Variants in MDC1 observed in about 807,000 individuals in gnomAD.
The protein encoded by MDC1 is mediator of DNA damage checkpoint 1, also known as mediator of DNA damage checkpoint protein 1.
A neutral mutation model predicts 142.5 loss-of-function variants in MDC1; 81 were observed. That is an observed-to-expected ratio of 0.57 (90% CI 0.47 to 0.68). MDC1 has a LOEUF of 0.68. MDC1 is among the 30% of genes least tolerant of loss of function. The pLI, the probability that MDC1 is intolerant of heterozygous loss-of-function variation, is 0.00. For missense variants in MDC1, 2,119 were observed against 2,547.9 expected (o/e 0.83, Z 3.62); for synonymous variants, 797 against 968.4 (o/e 0.82, Z 3.29).
Position 30,713,813 on chromosome 6 carries a change from C to T in MDC1, c.507G>A (p.Glu169=), listed in dbSNP as rs377364753. The stretch of plus-strand genomic sequence containing the variant: ...AATATACAAACTTACCTACTTCCTC[C>T]TCCGAGTCCTCAGCCAACAGAAGCC... ...PQRLLLAEDS[E]EEVDFLSERR... is the part of the protein sequence containing the mutation. Residue 169 remains glutamate (E), a synonymous_variant, in exon 3 of 15, where the codon GAG becomes GAA. Transcript: ENST00000376406. The surrounding 1 kb of genome is among the most constrained non-coding windows in gnomAD (Gnocchi z 4.9). 12 of 1,613,792 alleles carry T rather than the reference C, an allele frequency of 7.4e-6. No individual in the cohort carries two copies. The highest frequency in any genetic ancestry group is 1.3e-5 in the African/African-American group (1 of 74,898).
rs373515222 is a variant in MDC1, at chr6:30,704,004, C to T, written c.5179G>A (p.Ala1727Thr). The T allele has an allele frequency of 8.1e-6, 13 of 1,614,028 alleles. No homozygotes were observed. Among genetic ancestry groups the T allele is most frequent in the African/African-American group, 8.0e-5 (6 of 74,908 alleles). Reference sequence around the variant, plus strand: ...GCTGCGAGGGAGCCAGGGTTCCCAGCGGCTCTCTGCCTCTTGATGCAACTG... The same window carrying T: ...GCTGCGAGGGAGCCAGGGTTCCCAGTGGCTCTCTGCCTCTTGATGCAACTG... ...QPSCIKRQRA[A>T]GNPGSLAAPI... Residue 1727 changes from alanine (A) to threonine (T), a missense_variant, in exon 10 of 15, where the codon GCT becomes ACT. Ala to Thr is a moderately conservative substitution (Grantham distance 58). Transcript: ENST00000376406.
Position 30,712,007 on chromosome 6 carries a change from G to A in MDC1, c.1935C>T (p.Leu645=), listed in dbSNP as rs1774987697. ...TGTCTGTGTCCACCACCAGATCTGT[G>A]AGGTTCTCTCTTGAGATAGGGAGGT... The part of the protein sequence containing the change: ...EQDLPISREN[L]TDLVVDTDTL... The change falls in exon 5 of 15, where the codon CTC becomes CTT. Residue 645 remains leucine (L), a synonymous_variant. Transcript: ENST00000376406. The surrounding 1 kb of genome is among the most constrained non-coding windows in gnomAD (Gnocchi z 4.7). The A allele has an allele frequency of 3.8e-6, 6 of 1,599,686 alleles. No individual in the cohort carries two copies. Among genetic ancestry groups the A allele is most frequent in the Non-Finnish European group, 4.3e-6 (5 of 1,173,398 alleles).
chr6:30,700,819 A>G (rs1187141694), intron 14 of MDC1, among the ~76,000 whole-genome samples, 187 bp from the exon 15 acceptor site: 2 of 150,862 alleles, frequency 1.3e-5, no homozygotes, highest in African/African-American at 4.9e-5. Context: ...CTGTAATTAC[A>G]CAGCACTTTG....
intron 14 of MDC1, among the ~76,000 whole-genome samples, chr6:30,701,455 A>G (rs1772678790): frequency 6.6e-6 from 1 of 152,172 alleles, no homozygotes; most frequent in Admixed American, 6.5e-5. Context: ...AGCTTTTACA[A>G]TTATCTGCAA....
At chr6:30,702,353 G>A (rs923213120) in intron 14 of MDC1, among the ~76,000 whole-genome samples, 200 bp downstream of exon 14, 3 of 151,520 alleles carry the variant, frequency 2.0e-5, no homozygotes, top group Admixed American at 6.6e-5. Flanking sequence ...GCTGAATCTC[G>A]GTGATTGTTA....
rs529461589 is a variant in MDC1 at position 30,706,826 on chromosome 6, C to T, written c.3084+558G>A. ...AACAAAAAAATACACAAAAATTAGC[C>T]GGGTGACATGCGCCTGTAGTCCCAG... On this transcript the variant is annotated intron_variant, in intron 9 of 14. Transcript: ENST00000376406. 2.0e-4 allele frequency among the ~76,000 whole-genome samples: 30 copies of T among 147,078 alleles called. No individual in the cohort carries two copies. In the South Asian group the frequency reaches 5.7e-3, roughly 28 times the overall value.
chr6:30,714,893 A>G, intron 2 of MDC1, 147 bp downstream of exon 2: 1 of 785,986 alleles, frequency 1.3e-6, no homozygotes, highest in Non-Finnish European at 2.0e-6. Flanking sequence ...TGCAACTATC[A>G]ACTCAATCGG....
chr6:30,713,826 G>C lies in MDC1; in HGVS notation c.494C>G (p.Ala165Gly). The change falls in exon 3 of 15, where the codon GCT (alanine) becomes GGT (glycine). Residue 165 changes from alanine (A) to glycine (G), a missense_variant. Ala to Gly is a moderately conservative substitution (Grantham distance 60). Transcript: ENST00000376406. The surrounding 1 kb of genome is among the most constrained non-coding windows in gnomAD (Gnocchi z 4.9). ...ACCTACTTCCTCCTCCGAGTCCTCA[G>C]CCAACAGAAGCCTCTGGGGTTGAGT... ...GETQPQRLLL[A>G]EDSEEEVDFL... The C allele has an allele frequency of 6.2e-7, 1 of 1,614,058 alleles. No individual in the cohort carries two copies. Among genetic ancestry groups the C allele is most frequent in the Non-Finnish European group, 8.5e-7 (1 of 1,179,962 alleles).
intron 2 of MDC1, 106 bp downstream of exon 2, chr6:30,714,934 A>C: frequency 2.2e-6 from 3 of 1,343,208 alleles, no homozygotes; most frequent in Non-Finnish European, 3.1e-6. Context: ...AAAAAAAAAA[A>C]TTCACATCTC....
chr6:30,705,961 G>A lies in MDC1; in HGVS notation c.3222C>T (p.Ile1074=). The change falls in exon 10 of 15, where the codon ATC becomes ATT. Residue 1074 remains isoleucine (I), a synonymous_variant. Coordinates refer to ENST00000376406, the MANE Select transcript of MDC1 (RefSeq NM_014641.3). The part of the protein sequence containing the change: ...PPLLSPLLPS[I]KPTVRKTRQD... The stretch of plus-strand genomic sequence containing the variant: ...GCCTGGTCTTACGAACGGTTGGCTT[G>A]ATAGAAGGTAAAAGGGGAGAAAGAA... 1.2e-6 allele frequency: 2 copies of A among 1,613,826 alleles called. No individual in the cohort carries two copies. Among genetic ancestry groups the A allele is most frequent in the Non-Finnish European group, 1.7e-6 (2 of 1,179,912 alleles).
chr6:30,712,100 A>G lies in MDC1; in HGVS notation c.1842T>C (p.Val614=). 6.2e-7 allele frequency: 1 copy of G among 1,601,572 alleles called. No homozygotes were observed. Among genetic ancestry groups the G allele is most frequent in the Non-Finnish European group, 8.5e-7 (1 of 1,174,226 alleles). The change falls in exon 5 of 15, where the codon GTT becomes GTC. Residue 614 remains valine, a synonymous_variant. Transcript: ENST00000376406. This position sits in a 1 kb window ranked among gnomAD's most constrained non-coding sequence, Gnocchi z 4.7. ...CCTCATGAGCTCTCTCCTGCTTAAG[A>G]ACAGCTGCAGCCCACTCTGCCCCAG... is the stretch of plus-strand genomic sequence containing the variant. ...GDAGAEWAAA[V]LKQERAHEVG... is the part of the protein sequence containing the mutation.
chr6:30,712,902 A>C lies in MDC1; in HGVS notation c.1040T>G (p.Met347Arg). 1 of 1,613,030 alleles carries C rather than the reference A, an allele frequency of 6.2e-7. No homozygotes were observed. ...RIPATPVVIP[M>R]KKRKIFHGVG... ...TCCATGGAAGATCTTCCTCTTCTTCATAGGAATGACAACTGGGGTTGCTGG... is the reference window on the plus strand; with the variant it reads ...TCCATGGAAGATCTTCCTCTTCTTCCTAGGAATGACAACTGGGGTTGCTGG... The change falls in exon 5 of 15, where the codon ATG becomes AGG. Residue 347 changes from methionine (M) to arginine (R), a missense_variant. Physicochemically the swap from Met to Arg is moderately conservative, Grantham distance 91. Coordinates refer to ENST00000376406, the MANE Select transcript of MDC1 (RefSeq NM_014641.3). This position sits in a 1 kb window ranked among gnomAD's most constrained non-coding sequence, Gnocchi z 4.7.
intron 7 of MDC1, among the ~76,000 whole-genome samples, chr6:30,708,576 G>A (rs543355489): frequency 2.0e-5 from 3 of 152,210 alleles, no homozygotes; most frequent in East Asian, 1.9e-4. Context: ...AGCCTTAGGC[G>A]GGCATGGTGG....
chr6:30,703,951 T>A lies in MDC1; in HGVS notation c.5232A>T (p.Ala1744=). Residue 1744 remains alanine (A), a synonymous_variant, in exon 10 of 15, where the codon GCA becomes GCT. Coordinates refer to ENST00000376406, the MANE Select transcript of MDC1 (RefSeq NM_014641.3). This position sits in a 1 kb window ranked among gnomAD's most constrained non-coding sequence, Gnocchi z 4.4. The part of the protein sequence containing the change: ...AAPIDHKPCS[A]PLEPKSQASR... ...AGGCCTGGGATTTAGGTTCCAAGGG[T>A]GCAGAGCAAGGCTTATGGTCAATGG... 1 of 1,614,116 alleles carries A rather than the reference T, an allele frequency of 6.2e-7. No homozygotes were observed. The highest frequency in any genetic ancestry group is 8.5e-7 in the Non-Finnish European group (1 of 1,180,012).
chr6:30,717,001 G>A, intron 1 of MDC1: 1 of 761,574 alleles, frequency 1.3e-6, no homozygotes, highest in Non-Finnish European at 1.6e-6. Flanking sequence ...CACCACGCTT[G>A]GCTCCAATTC....
At position 30,703,391 on chromosome 6, in the gene MDC1, A is replaced by G; in HGVS notation, c.5682+27T>C. 1 of 1,613,454 alleles carries G rather than the reference A, an allele frequency of 6.2e-7. No homozygotes were observed. The highest frequency in any genetic ancestry group is 8.5e-7 in the Non-Finnish European group (1 of 1,180,008). On this transcript the variant is annotated intron_variant, in intron 11 of 14. Transcript: ENST00000376406. The surrounding 1 kb of genome is among the most constrained non-coding windows in gnomAD (Gnocchi z 4.4). ...CATCCTCCCCTCATCTCTGTCTCCC[A>G]CAAAGTCCCATGCCTTTGTCTCTTA...
Position 30,709,216 on chromosome 6 carries a change from G to T in MDC1, c.2222-859C>A, listed in dbSNP as rs568068494. On this transcript the variant is annotated intron_variant, in intron 7 of 14. Coordinates refer to ENST00000376406, the MANE Select transcript of MDC1 (RefSeq NM_014641.3). The surrounding 1 kb of genome is among the most constrained non-coding windows in gnomAD (Gnocchi z 4.2). ...GCCCGGCTAATTTTTTGTATTTGTT[G>T]TAGAGATGGGGTTTGGTCTTGAACT... Among the ~76,000 whole-genome samples the T allele has an allele frequency of 1.1e-4, 16 of 152,310 alleles. No homozygotes were observed. The highest frequency in any genetic ancestry group is 3.6e-4 in the African/African-American group (15 of 41,578).
At position 30,711,477 on chromosome 6, in the gene MDC1, G is replaced by A. The variant is rs1562117820; in HGVS notation, c.2156C>T (p.Thr719Ile). 6.2e-7 allele frequency: 1 copy of A among 1,613,130 alleles called. No individual in the cohort carries two copies. Among genetic ancestry groups the A allele is most frequent in the Non-Finnish European group, 8.5e-7 (1 of 1,180,018 alleles). Residue 719 changes from threonine to isoleucine, a missense_variant, in exon 7 of 15, where the codon ACC becomes ATC. By Grantham distance (89) the Thr-to-Ile change is moderately conservative. Transcript: ENST00000376406. ...EAVQSMEDEP[T>I]QAFMLTPPQE... ...GGGTGGAGTCAACATGAAGGCCTGGGTAGGTTCATCCTCCATGCTCTGGAC... is the reference window on the plus strand; with the variant it reads ...GGGTGGAGTCAACATGAAGGCCTGGATAGGTTCATCCTCCATGCTCTGGAC...
At position 30,711,277 on chromosome 6, in the gene MDC1, G is replaced by A. The variant is rs367907725; in HGVS notation, c.2221+135C>T. ...TGTAATCCCAGCTACCTGGGAAGCTGAAGGAAGAGAAACCGCCTGGGAGGC... is the reference window on the plus strand; with the variant it reads ...TGTAATCCCAGCTACCTGGGAAGCTAAAGGAAGAGAAACCGCCTGGGAGGC... On this transcript the variant is annotated intron_variant, in intron 7 of 14. Transcript: ENST00000376406. 2.3e-4 allele frequency: 168 copies of A among 734,216 alleles called. 7 individuals are homozygous for A. The highest frequency in any genetic ancestry group is 7.1e-4 in the East Asian group (27 of 37,900). 45.5% of individuals were successfully genotyped at this position (734,216 alleles called of 1,614,324 possible). A position where few individuals can be genotyped will look rare whatever the true frequency, so the allele number is the denominator to read the frequency against.
Sources: allele counts gnomAD v4.1 joint callset (sites outside exome capture counted in the v4.1 genomes callset), GRCh38; gene constraint gnomAD v4.1.1; non-coding constraint Gnocchi (gnomAD v3.1); transcripts MANE v1.5; gene names NCBI Gene and HGNC (gene_info 2026-07-23, HGNC 2026-07-21).